Variants in WDR70 observed in about 807,000 individuals in gnomAD.
WDR70 encodes WD repeat-containing protein 70.
In WDR70, 53 loss-of-function variants were observed where a neutral mutation model predicts 88.6. The ratio of observed to expected loss-of-function variants is 0.60; its 90% CI spans 0.48 to 0.75. WDR70 has a LOEUF of 0.75. Ranked by LOEUF, WDR70 falls within the 30% of genes least tolerant of loss-of-function variation. The pLI is 0.00. For synonymous variants in WDR70, 280 were observed against 270.0 expected, an observed-to-expected ratio of 1.04 and a Z score of -0.36; for missense variants, 610 against 823.2, an observed-to-expected ratio of 0.74 and a Z score of 3.17.
chr5:37,526,250 C>G (rs1461509225), intron 9 of WDR70, among the ~76,000 whole-genome samples: 2 of 152,262 alleles, frequency 1.3e-5, no homozygotes, highest in South Asian at 2.1e-4. Context: ...TACTGACAAA[C>G]CGAATCCAGC....
At chr5:37,736,483 A>G (rs984513103) in intron 17 of WDR70, among the ~76,000 whole-genome samples, 3 of 152,208 alleles carry the variant, frequency 2.0e-5, no homozygotes, top group African/African-American at 4.8e-5. Context: ...ATAAATGCAC[A>G]GAGAGAAAAT....
At chr5:37,537,066 T>C (rs894272280) in intron 9 of WDR70, among the ~76,000 whole-genome samples, 20 of 152,190 alleles carry the variant, frequency 1.3e-4, no homozygotes, top group African/African-American at 4.3e-4. Flanking sequence ...TGAATTAAAA[T>C]CCAAACCCCG....
intron 13 of WDR70, among the ~76,000 whole-genome samples, chr5:37,705,787 TA>T (rs1747305946): frequency 6.6e-6 from 1 of 152,216 alleles, no homozygotes; most frequent in Non-Finnish European, 1.5e-5. Context: ...TTAATTTGCA[TA>T]AAAGGCAGCA....
intron 10 of WDR70, among the ~76,000 whole-genome samples, chr5:37,618,447 C>T (rs1192568977): frequency 2.0e-5 from 3 of 152,162 alleles, no homozygotes; most frequent in Non-Finnish European, 4.4e-5. Flanking sequence ...CGGTTCACTG[C>T]AACCTCCGCC....
chr5:37,594,986 A>AT (rs1282593076), intron 9 of WDR70, among the ~76,000 whole-genome samples: 7 of 152,102 alleles, frequency 4.6e-5, no homozygotes, highest in African/African-American at 1.4e-4. Flanking sequence ...TTGCACATTG[A>AT]TTTTTTATCC....
intron 7 of WDR70, among the ~76,000 whole-genome samples, chr5:37,468,393 T>C (rs1351282374): frequency 6.6e-6 from 1 of 152,208 alleles, no homozygotes; most frequent in Non-Finnish European, 1.5e-5. Context: ...TTATTTCAGA[T>C]TATATATATT....
At chr5:37,720,994 A>C in intron 13 of WDR70, 121 bp from the exon 14 acceptor site, 1 of 802,854 alleles carries the variant, frequency 1.2e-6, no homozygotes, top group South Asian at 1.7e-5. Context: ...AAATGTCTGA[A>C]AGTTAGAGGT....
chr5:37,606,210 A>G (rs1744026278), intron 10 of WDR70, among the ~76,000 whole-genome samples: 1 of 152,204 alleles, frequency 6.6e-6, no homozygotes, highest in Admixed American at 6.5e-5. Context: ...AAGGTTAAAA[A>G]GTGTTGATAG....
At position 37,479,964 on chromosome 5, in the gene WDR70, A is replaced by G. The variant is rs1458596611; in HGVS notation, c.817A>G (p.Ile273Val). ...GGAATGTATAAAAGGAGACCAGTATATTGTGGACATGGCCAACACCAAGGT... is the reference window on the plus strand; with the variant it reads ...GGAATGTATAAAAGGAGACCAGTATGTTGTGGACATGGCCAACACCAAGGT... ...VMECIKGDQY[I>V]VDMANTKGHT... Residue 273 changes from isoleucine to valine, a missense_variant, in exon 8 of 18, where the codon ATT (isoleucine) becomes GTT (valine). Ile to Val is a conservative substitution (Grantham distance 29). This residue lies in a region of WDR70 where 83 missense variants were observed against 155.3 expected (regional missense o/e 0.53). Transcript: ENST00000265107. The G allele has an allele frequency of 6.2e-7, 1 of 1,613,848 alleles. No homozygotes were observed. Among genetic ancestry groups the G allele is most frequent in the Non-Finnish European group, 8.5e-7 (1 of 1,179,924 alleles).
intron 8 of WDR70, among the ~76,000 whole-genome samples, chr5:37,502,906 C>G (rs1338796660): frequency 6.6e-6 from 1 of 152,170 alleles, no homozygotes; most frequent in Admixed American, 6.5e-5. Flanking sequence ...GAAGGATTCA[C>G]CCCCATGATC....
intron 13 of WDR70, among the ~76,000 whole-genome samples, chr5:37,716,890 T>C (rs1747668498): frequency 6.6e-6 from 1 of 152,148 alleles, no homozygotes; most frequent in African/African-American, 2.4e-5. Flanking sequence ...CCAAAATTCC[T>C]ATTTTGGAAT....
At chr5:37,604,587 A>G (rs1743977186) in intron 9 of WDR70, among the ~76,000 whole-genome samples, 1 of 152,196 alleles carries the variant, frequency 6.6e-6, no homozygotes, top group Admixed American at 6.5e-5. Context: ...CCCTAGGGGA[A>G]TGAGATCTTT....
At chr5:37,432,949 C>T (rs1750356929) in intron 5 of WDR70, among the ~76,000 whole-genome samples, 1 of 152,026 alleles carries the variant, frequency 6.6e-6, no homozygotes, top group Non-Finnish European at 1.5e-5. Flanking sequence ...GGATTTTAAT[C>T]CCTTATATAT....
intron 3 of WDR70, among the ~76,000 whole-genome samples, chr5:37,383,618 C>T (rs1049482768): frequency 3.3e-5 from 5 of 151,568 alleles, no homozygotes; most frequent in East Asian, 1.9e-4. Flanking sequence ...CTCGCTCTGT[C>T]GCCCTGGCTG....
intron 3 of WDR70, among the ~76,000 whole-genome samples, chr5:37,385,505 C>G (rs868800523): frequency 9.7e-6 from 1 of 103,198 alleles, no homozygotes; most frequent in Non-Finnish European, 1.8e-5. Context: ...AGTAAAAAAG[C>G]GAGAGCCTGT....
At chr5:37,421,978 C>G (rs983255304) in intron 5 of WDR70, among the ~76,000 whole-genome samples, 11 of 151,626 alleles carry the variant, frequency 7.3e-5, no homozygotes, top group African/African-American at 2.7e-4. Context: ...TTACAGGGTC[C>G]CAGGAAGCCA....
chr5:37,638,753 A>C (rs1232815869), intron 10 of WDR70, among the ~76,000 whole-genome samples: 1 of 152,174 alleles, frequency 6.6e-6, no homozygotes, highest in Non-Finnish European at 1.5e-5. Context: ...TTACTGAATT[A>C]ACTCTGTTAT....
At chr5:37,698,379 A>G (rs1747044207) in intron 11 of WDR70, among the ~76,000 whole-genome samples, 1 of 152,170 alleles carries the variant, frequency 6.6e-6, no homozygotes, top group Non-Finnish European at 1.5e-5. Context: ...AGAGTATGGG[A>G]CATAGCTGAA....
intron 7 of WDR70, among the ~76,000 whole-genome samples, chr5:37,453,290 C>G (rs997141987): frequency 1.3e-5 from 2 of 152,098 alleles, no homozygotes; most frequent in African/African-American, 4.8e-5. Context: ...GCTGAGAGCC[C>G]CGAACAGAGA....
Sources: allele counts gnomAD v4.1 joint callset (sites outside exome capture counted in the v4.1 genomes callset), GRCh38; gene constraint gnomAD v4.1.1; regional missense constraint gnomAD v4.1.1; transcripts MANE v1.5; gene names NCBI Gene and HGNC (gene_info 2026-07-23, HGNC 2026-07-21).